The following OPCML variants were observed in gnomAD, a reference collection of about 807,000 sequenced individuals.
OPCML encodes the protein opioid binding protein/cell adhesion molecule like.
OPCML carries 13 observed loss-of-function variants against 37.8 expected under a neutral mutation model. That is an observed-to-expected ratio of 0.34 (90% CI 0.22 to 0.55). OPCML has a LOEUF of 0.55. Ranked by LOEUF, OPCML falls within the 20% of genes least tolerant of loss-of-function variation. The pLI is 0.91. For missense variants in OPCML, 341 were observed against 435.6 expected, an observed-to-expected ratio of 0.78 and a Z score of 1.93; for synonymous variants, 176 against 168.8, an observed-to-expected ratio of 1.04 and a Z score of -0.33.
intron 1 of OPCML, among the ~76,000 whole-genome samples, chr11:133,441,362 A>G (rs1691732297): frequency 6.6e-6 from 1 of 152,186 alleles, no homozygotes; most frequent in Admixed American, 6.5e-5. Context: ...AAGGAAATAC[A>G]TGGAACCGAA....
intron 1 of OPCML, among the ~76,000 whole-genome samples, chr11:133,506,766 A>T (rs1471328063): frequency 1.3e-5 from 2 of 152,278 alleles, no homozygotes; most frequent in African/African-American, 4.8e-5. Context: ...CCCCAGACAG[A>T]ATGGTTACTG....
chr11:132,541,117 A>G (rs2096355368), intron 3 of OPCML, among the ~76,000 whole-genome samples: 8 of 152,210 alleles, frequency 5.3e-5, no homozygotes, highest in Admixed American at 5.2e-4. Flanking sequence ...CTTTGGTTCC[A>G]GTCCCAGTTC....
At chr11:133,364,742 C>T (rs534146272) in intron 1 of OPCML, among the ~76,000 whole-genome samples, 1 of 152,240 alleles carries the variant, frequency 6.6e-6, no homozygotes, top group Non-Finnish European at 1.5e-5. Context: ...TCTTAGAATA[C>T]TGCCTGGCAC....
chr11:132,490,018 A>T (rs2096211013), intron 4 of OPCML, among the ~76,000 whole-genome samples: 1 of 151,962 alleles, frequency 6.6e-6, no homozygotes, highest in Non-Finnish European at 1.5e-5. Context: ...AAGGACATGA[A>T]CTCATCCTTT....
At chr11:132,913,266 CTT>C (rs1256706901) in intron 2 of OPCML, among the ~76,000 whole-genome samples, 2 of 152,112 alleles carry the variant, frequency 1.3e-5, no homozygotes, top group East Asian at 3.8e-4. Context: ...ATCTTAATGA[CTT>C]ATTATGGTAA....
chr11:132,916,914 C>T (rs549711624), intron 2 of OPCML, among the ~76,000 whole-genome samples: 1 of 152,274 alleles, frequency 6.6e-6, no homozygotes, highest in Admixed American at 6.5e-5. Context: ...TAAACTTTCA[C>T]TAAGGCAGCA....
intron 1 of OPCML, among the ~76,000 whole-genome samples, chr11:133,125,483 C>T (rs1047077820): frequency 1.3e-5 from 2 of 151,318 alleles, no homozygotes; most frequent in African/African-American, 4.9e-5. Flanking sequence ...TATCATCATT[C>T]TATAATCCCT....
At chr11:132,869,819 A>G (rs2136389322) in intron 2 of OPCML, among the ~76,000 whole-genome samples, 2 of 152,298 alleles carry the variant, frequency 1.3e-5, no homozygotes, top group East Asian at 3.9e-4. Context: ...CAAGATTCAG[A>G]AAAATATTAG....
At chr11:132,458,792 C>A (rs1276905126) in intron 4 of OPCML, among the ~76,000 whole-genome samples, 2 of 152,114 alleles carry the variant, frequency 1.3e-5, no homozygotes, top group Non-Finnish European at 2.9e-5. Context: ...ATAATAGAGA[C>A]AGGTAGATCC....
intron 1 of OPCML, among the ~76,000 whole-genome samples, chr11:133,444,593 T>G (rs1946432569): frequency 6.6e-6 from 1 of 152,160 alleles, no homozygotes; most frequent in African/African-American, 2.4e-5. Context: ...CAAGAAAAAT[T>G]TATGTTGGTA....
rs114436926 is a variant in OPCML at position 132,775,889 on chromosome 11, G to A, written c.147-118570C>T. Among the ~76,000 whole-genome samples the A allele has an allele frequency of 3.9e-3, 597 of 152,304 alleles. 6 individuals are homozygous for A. The highest frequency in any genetic ancestry group is 0.014 in the African/African-American group (574 of 41,572). ...TTAGATATATAAGTTAAAGTACAAA[G>A]TGACAATATCCAGAACAGTAGAGGC... On this transcript the variant is annotated intron_variant, in intron 2 of 7. Transcript: ENST00000524381.
At chr11:132,941,259 A>T (rs141285943) in intron 2 of OPCML, among the ~76,000 whole-genome samples, 36 of 152,332 alleles carry the variant, frequency 2.4e-4, no homozygotes, top group African/African-American at 7.5e-4. Flanking sequence ...GTCTTACTGC[A>T]TCTCAGAAAG....
At chr11:132,535,886 G>T (rs562706882) in intron 3 of OPCML, among the ~76,000 whole-genome samples, 1 of 152,302 alleles carries the variant, frequency 6.6e-6, no homozygotes, top group South Asian at 2.1e-4. Context: ...AAAAGTAGGT[G>T]CTTATTGAAG....
chr11:133,497,738 C>T (rs187608383), intron 1 of OPCML, among the ~76,000 whole-genome samples: 33 of 152,284 alleles, frequency 2.2e-4, no homozygotes, highest in African/African-American at 7.0e-4. Flanking sequence ...GCAGTTTGTG[C>T]TATTTCCCCA....
At chr11:133,423,059 G>A (rs1945924839) in intron 1 of OPCML, 2 of 985,332 alleles carry the variant, frequency 2.0e-6, no homozygotes, top group South Asian at 4.7e-5. Flanking sequence ...ACTTCCTTTA[G>A]ATTTCAACTT....
chr11:133,304,873 G>C (rs1322877930), intron 1 of OPCML, among the ~76,000 whole-genome samples: 1 of 152,164 alleles, frequency 6.6e-6, no homozygotes, highest in Non-Finnish European at 1.5e-5. Context: ...ATGAAATTGA[G>C]TTGATACAAA....
Position 132,416,384 on chromosome 11 carries a change from G to T in OPCML, c.*3809C>A, listed in dbSNP as rs1341913863. 6.6e-6 allele frequency: 1 copy of T among 152,184 alleles called. No homozygotes were observed. Among genetic ancestry groups the T allele is most frequent in the East Asian group, 1.9e-4 (1 of 5,186 alleles). 9.4% of individuals were successfully genotyped at this position (152,184 alleles called of 1,614,324 possible). A position where few individuals can be genotyped will look rare whatever the true frequency, so the allele number is the denominator to read the frequency against. On this transcript the variant is annotated 3_prime_UTR_variant, in exon 8 of 8. Transcript: ENST00000524381. ...CCAGCACTTGAAAATTCAATGTACA[G>T]CCACTCCTGATGCCGCCACAGGGAT...
chr11:132,753,506 A>G (rs1945911938), intron 2 of OPCML, among the ~76,000 whole-genome samples: 1 of 152,218 alleles, frequency 6.6e-6, no homozygotes, highest in African/African-American at 2.4e-5. Context: ...ATACCTACAT[A>G]CATACATATC....
intron 2 of OPCML, among the ~76,000 whole-genome samples, chr11:132,932,688 A>G (rs1591819590): frequency 8.3e-6 from 1 of 120,362 alleles, no homozygotes; most frequent in South Asian, 2.9e-4. Context: ...AGTTATATAT[A>G]TATTATATAT....
Sources: gnomAD v4.1 joint callset for allele counts (sites outside exome capture counted in the v4.1 genomes callset) on GRCh38, gnomAD v4.1.1 for gene constraint, MANE v1.5 for transcripts, NCBI Gene and HGNC (gene_info 2026-07-23, HGNC 2026-07-21) for gene names.